COL14A1: variants seen among roughly 807,000 people sequenced by gnomAD.
The protein encoded by COL14A1 is collagen alpha-1(XIV) chain.
A neutral mutation model predicts 230.3 loss-of-function variants in COL14A1; 136 were observed. That is an observed-to-expected ratio of 0.59 (90% CI 0.51 to 0.68). The LOEUF is 0.68. COL14A1 is among the 30% of genes least tolerant of loss of function. The pLI is 0.00. For synonymous variants in COL14A1, 792 were observed against 784.1 expected, an observed-to-expected ratio of 1.01 and a Z score of -0.17; for missense variants, 1,976 against 2,215.8, an observed-to-expected ratio of 0.89 and a Z score of 2.17.
Position 120,247,626 on chromosome 8 carries a change from G to A in COL14A1, c.2493G>A (p.Gly831=). ...TTTTCTACTCAGTACCATCCTCGGG[G>A]CCCCAGAACTTGCGGGTGTCCGAGG... is the stretch of plus-strand genomic sequence containing the variant. ...SAPGKTLPSS[G]PQNLRVSEEW... Residue 831 remains glycine, a synonymous_variant, in exon 21 of 48, where the codon GGG becomes GGA. Coordinates refer to ENST00000297848, the MANE Select transcript of COL14A1 (RefSeq NM_021110.4). 1 of 1,613,888 alleles carries A rather than the reference G, an allele frequency of 6.2e-7. No individual in the cohort carries two copies.
intron 21 of COL14A1, among the ~76,000 whole-genome samples, chr8:120,249,111 T>C (rs1818859716): frequency 6.7e-6 from 1 of 148,310 alleles, no homozygotes; most frequent in African/African-American, 2.5e-5. Context: ...TTTTTTTTTT[T>C]AGTAGAGACG....
At chr8:120,168,116 T>A in intron 4 of COL14A1, 45 bp from the exon 5 acceptor site, 1 of 1,333,904 alleles carries the variant, frequency 7.5e-7, no homozygotes, top group Non-Finnish European at 1.1e-6. Flanking sequence ...TATTTTCTTT[T>A]AGATTTTAGT....
intron 2 of COL14A1, among the ~76,000 whole-genome samples, chr8:120,149,025 G>A (rs911475460): frequency 3.3e-5 from 5 of 152,178 alleles, no homozygotes; most frequent in African/African-American, 1.2e-4. Context: ...GAAACTATGT[G>A]TCCCGCAAAG....
chr8:120,346,747 AAC>A (rs750938570), intron 45 of COL14A1, among the ~76,000 whole-genome samples: 1 of 152,162 alleles, frequency 6.6e-6, no homozygotes, highest in Non-Finnish European at 1.5e-5. Context: ...CGCCCCCATG[AAC>A]ACCTGATGCC....
chr8:120,191,563 A>T (rs1417527488), intron 5 of COL14A1, among the ~76,000 whole-genome samples: 1 of 151,454 alleles, frequency 6.6e-6, no homozygotes, highest in African/African-American at 2.4e-5. Context: ...TATTAGGTCC[A>T]CTTGGTGCAG....
chr8:120,131,237 T>C (rs1814515201), intron 1 of COL14A1, among the ~76,000 whole-genome samples: 1 of 152,222 alleles, frequency 6.6e-6, no homozygotes, highest in Non-Finnish European at 1.5e-5. Flanking sequence ...ATATATCCAT[T>C]AGTGGGATTA....
intron 31 of COL14A1, 97 bp from the exon 32 acceptor site, chr8:120,283,539 C>A: frequency 7.4e-7 from 1 of 1,347,860 alleles, no homozygotes; most frequent in Non-Finnish European, 1.0e-6. Flanking sequence ...TCTGTTTTTC[C>A]AAATCTTGTG....
chr8:120,314,992 T>G (rs1252674127), intron 38 of COL14A1, among the ~76,000 whole-genome samples: 1 of 152,238 alleles, frequency 6.6e-6, no homozygotes, highest in Non-Finnish European at 1.5e-5. Context: ...GACTGTATAT[T>G]CTATGTTAAA....
At chr8:120,174,558 C>A (rs1816211729) in intron 5 of COL14A1, among the ~76,000 whole-genome samples, 1 of 152,110 alleles carries the variant, frequency 6.6e-6, no homozygotes, top group Non-Finnish European at 1.5e-5. Flanking sequence ...ATAAGCAGTC[C>A]ATTTCCTTCC....
intron 4 of COL14A1, among the ~76,000 whole-genome samples, chr8:120,166,919 T>TGC (rs1554600759): frequency 7.0e-6 from 1 of 143,860 alleles, no homozygotes; most frequent in African/African-American, 2.7e-5. Context: ...TGTGTGTGTG[T>TGC]GTGGTGGTGA....
At chr8:120,188,397 A>G (rs1816712888) in intron 5 of COL14A1, among the ~76,000 whole-genome samples, 1 of 152,160 alleles carries the variant, frequency 6.6e-6, no homozygotes, top group South Asian at 2.1e-4. Flanking sequence ...ATTTAATATA[A>G]TAATGTACAT....
intron 26 of COL14A1, among the ~76,000 whole-genome samples, chr8:120,276,294 G>A (rs1438497971): frequency 1.3e-5 from 2 of 150,776 alleles, no homozygotes; most frequent in African/African-American, 4.9e-5. Flanking sequence ...TCACTTTTAA[G>A]CGAGAGCTAA....
chr8:120,258,499 G>A (rs904996866), intron 23 of COL14A1, among the ~76,000 whole-genome samples: 1 of 152,064 alleles, frequency 6.6e-6, no homozygotes, highest in Non-Finnish European at 1.5e-5. Flanking sequence ...GGAGGTGGGG[G>A]TGTTATTCAA....
chr8:120,206,946 C>A lies in COL14A1; in HGVS notation c.1043C>A (p.Ser348Ter). 6.2e-7 allele frequency: 1 copy of A among 1,602,676 alleles called. No individual in the cohort carries two copies. The highest frequency in any genetic ancestry group is 2.2e-5 in the East Asian group (1 of 44,702). The change falls in exon 10 of 48, where the codon TCA (serine) becomes TAA (stop). Residue 348 changes from serine (S) to a stop codon, truncating the protein, a stop_gained. Transcript: ENST00000297848. LOFTEE classifies it high-confidence loss of function. Reference sequence around the variant, plus strand: ...TTGATATGTTTTTTTAATTTAGCCTCAGCCCATGCCATCACTGGGCCGCCT... The same window carrying A: ...TTGATATGTTTTTTTAATTTAGCCTAAGCCCATGCCATCACTGGGCCGCCT... Reference protein sequence around the residue: ...VEEQDREIKASAHAITGPPTE... With the variant: ...VEEQDREIKA
intron 35 of COL14A1, among the ~76,000 whole-genome samples, chr8:120,298,169 T>C (rs146731121): frequency 6.6e-6 from 1 of 152,108 alleles, no homozygotes; most frequent in African/African-American, 2.4e-5. Context: ...CCTTTCATCA[T>C]AGCAGCTATA....
chr8:120,200,788 T>C (rs1217641949), intron 8 of COL14A1, among the ~76,000 whole-genome samples: 6 of 140,732 alleles, frequency 4.3e-5, no homozygotes, highest in African/African-American at 1.5e-4. Flanking sequence ...AGAGGAGGTT[T>C]CTGATCATTT....
At chr8:120,362,757 C>G (rs1226924369) in intron 45 of COL14A1, among the ~76,000 whole-genome samples, 1 of 152,130 alleles carries the variant, frequency 6.6e-6, no homozygotes, top group East Asian at 1.9e-4. Context: ...GAACCCAAAA[C>G]TGCTCTAAAA....
chr8:120,345,281 A>T (rs1197544908), intron 44 of COL14A1, 94 bp from the exon 45 acceptor site: 4 of 1,149,244 alleles, frequency 3.5e-6, no homozygotes, highest in Non-Finnish European at 4.9e-6. Flanking sequence ...GGTATCTAAC[A>T]GAATTGTTTG....
intron 14 of COL14A1, among the ~76,000 whole-genome samples, chr8:120,216,871 C>T (rs1817767781): frequency 6.6e-6 from 1 of 152,150 alleles, no homozygotes; most frequent in Admixed American, 6.5e-5. Flanking sequence ...GTCCCATGAC[C>T]CATGTCCAAA....
Sources: allele counts gnomAD v4.1 joint callset (sites outside exome capture counted in the v4.1 genomes callset), GRCh38; gene constraint gnomAD v4.1.1; transcripts MANE v1.5; gene names NCBI Gene and HGNC (gene_info 2026-07-23, HGNC 2026-07-21).